The following MBOAT2 variants were observed in gnomAD, a reference collection of about 807,000 sequenced individuals.
The protein encoded by MBOAT2 is membrane-bound glycerophospholipid O-acyltransferase 2.
Under a neutral mutation model 63.4 loss-of-function variants are expected in MBOAT2, and 28 were observed. That is an observed-to-expected ratio of 0.44 (90% CI 0.33 to 0.61). MBOAT2 has a LOEUF of 0.61. Among genes scored for constraint, MBOAT2 ranks in the 20% least tolerant of loss-of-function variants. The pLI is 0.03. For missense variants in MBOAT2, 470 were observed against 605.8 expected, an observed-to-expected ratio of 0.78 and a Z score of 2.35; for synonymous variants, 211 against 215.6, an observed-to-expected ratio of 0.98 and a Z score of 0.19.
At chr2:8,874,862 C>G (rs1166185265) in intron 7 of MBOAT2, among the ~76,000 whole-genome samples, 1 of 152,134 alleles carries the variant, frequency 6.6e-6, no homozygotes, top group Admixed American at 6.5e-5. Flanking sequence ...TTGGTGCACC[C>G]GAGTGTGGCT....
intron 3 of MBOAT2, among the ~76,000 whole-genome samples, chr2:8,920,816 C>G (rs1429890738): frequency 6.6e-6 from 1 of 152,092 alleles, no homozygotes; most frequent in Admixed American, 6.6e-5. Flanking sequence ...TTTCTGGATT[C>G]TCAATTTGTA....
At chr2:8,897,219 C>G (rs1368689429) in intron 4 of MBOAT2, among the ~76,000 whole-genome samples, 1 of 138,976 alleles carries the variant, frequency 7.2e-6, no homozygotes, top group Non-Finnish European at 1.5e-5. Context: ...CTCTTCCTCT[C>G]TGTCTCCTTC....
intron 6 of MBOAT2, among the ~76,000 whole-genome samples, chr2:8,878,877 C>T (rs1392156439): frequency 1.3e-5 from 2 of 151,804 alleles, no homozygotes; most frequent in Non-Finnish European, 1.5e-5. Context: ...GAGATCGAGA[C>T]CATCCCAGCT....
intron 2 of MBOAT2, among the ~76,000 whole-genome samples, chr2:8,952,096 C>A (rs1329784732): frequency 6.6e-6 from 1 of 152,162 alleles, no homozygotes; most frequent in African/African-American, 2.4e-5. Context: ...TTTGCTGCAT[C>A]CCAGAGATTT....
At chr2:8,891,202 G>A (rs1342225041) in intron 4 of MBOAT2, among the ~76,000 whole-genome samples, 2 of 152,258 alleles carry the variant, frequency 1.3e-5, no homozygotes, top group Non-Finnish European at 2.9e-5. Context: ...ATCAGCCGGT[G>A]CGTAGCACAT....
At chr2:8,895,127 C>G (rs971285907) in intron 4 of MBOAT2, among the ~76,000 whole-genome samples, 2 of 152,224 alleles carry the variant, frequency 1.3e-5, no homozygotes, top group Non-Finnish European at 1.5e-5. Flanking sequence ...AATAAAACTT[C>G]CACAGCGTGG....
At chr2:8,916,529 A>C (rs1340975363) in intron 3 of MBOAT2, among the ~76,000 whole-genome samples, 1 of 152,244 alleles carries the variant, frequency 6.6e-6, no homozygotes, top group African/African-American at 2.4e-5. Context: ...ATGTAGCAGC[A>C]ACTATGGGAA....
intron 1 of MBOAT2, among the ~76,000 whole-genome samples, chr2:8,973,437 G>C (rs1191892674): frequency 1.3e-5 from 2 of 151,754 alleles, no homozygotes; most frequent in Non-Finnish European, 2.9e-5. Flanking sequence ...GTTAATGGGT[G>C]CAGCACACCG....
At chr2:8,969,984 T>C (rs556284420) in intron 1 of MBOAT2, among the ~76,000 whole-genome samples, 14 of 152,050 alleles carry the variant, frequency 9.2e-5, no homozygotes, top group South Asian at 8.3e-4. Flanking sequence ...AACAAGGATA[T>C]CCAGGAATTG....
chr2:8,949,200 A>G (rs551554773), intron 2 of MBOAT2, among the ~76,000 whole-genome samples: 233 of 152,232 alleles, frequency 1.5e-3, no homozygotes, highest in Non-Finnish European at 2.5e-3. Flanking sequence ...TTGCCTGTCC[A>G]ACTGTTTAAG....
chr2:8,964,319 AT>A (rs1253319967), intron 1 of MBOAT2, among the ~76,000 whole-genome samples: 12 of 152,092 alleles, frequency 7.9e-5, no homozygotes, highest in Non-Finnish European at 1.5e-4. Context: ...AGCTTCTGCA[AT>A]TTTTTTCACT....
chr2:8,883,670 C>T (rs1240476059), intron 5 of MBOAT2, among the ~76,000 whole-genome samples: 1 of 152,192 alleles, frequency 6.6e-6, no homozygotes, highest in Non-Finnish European at 1.5e-5. Flanking sequence ...CTCACATCAT[C>T]TTGCTGTAAA....
Position 8,853,056 on chromosome 2 carries a change from T to A in MBOAT2, c.*5623A>T, listed in dbSNP as rs1019387366. The A allele has an allele frequency of 6.6e-6, 1 of 152,228 alleles. No homozygotes were observed. The highest frequency in any genetic ancestry group is 1.5e-5 in the Non-Finnish European group (1 of 68,034). The allele number at this position is 152,228 out of a possible 1,614,324, so 9.4% of individuals were successfully genotyped here. The stretch of plus-strand genomic sequence containing the variant: ...GCTGCTGGAGTTGGGTCTCTCCTCA[T>A]GTTTGGGCGACTGAGGGCTCAACTA... On this transcript the variant is annotated 3_prime_UTR_variant, in exon 13 of 13. Transcript: ENST00000305997.
rs926777496 is a variant in MBOAT2 at position 8,920,270 on chromosome 2, G to C, written c.300-11554C>G. ...TTCATTTCTGTGCATATAGAAACCT[G>C]ATTGTCCCAGCACTGTGTATTGAAA... On this transcript the variant is annotated intron_variant, in intron 3 of 12. Coordinates refer to ENST00000305997, the MANE Select transcript of MBOAT2 (RefSeq NM_138799.4). Among the ~76,000 whole-genome samples, 11 of 152,290 alleles carry C rather than the reference G, an allele frequency of 7.2e-5. No individual in the cohort carries two copies. The East Asian group carries it at 1.9e-3, about 27-fold the overall frequency.
intron 5 of MBOAT2, among the ~76,000 whole-genome samples, chr2:8,887,546 C>CAA (rs751415666): frequency 3.3e-5 from 5 of 152,170 alleles, no homozygotes; most frequent in Non-Finnish European, 7.3e-5. Context: ...TCTCACGACT[C>CAA]AGAGTCCTGT....
In MBOAT2 at chr2:9,003,429, C is replaced by G; in HGVS notation, c.75+111G>C. ...CAGGGAGCGGCGGGTAGGGGGGCACCGGGCGCCCGGCCCCAGCCCCCACCC... is the reference window on the plus strand; with the variant it reads ...CAGGGAGCGGCGGGTAGGGGGGCACGGGGCGCCCGGCCCCAGCCCCCACCC... On this transcript the variant is annotated intron_variant, in intron 1 of 12. Coordinates refer to ENST00000305997, the MANE Select transcript of MBOAT2 (RefSeq NM_138799.4). This position sits in a 1 kb window ranked among gnomAD's most constrained non-coding sequence, Gnocchi z 5.4. 1.7e-6 allele frequency: 1 copy of G among 581,608 alleles called. No individual in the cohort carries two copies. Among genetic ancestry groups the G allele is most frequent in the Non-Finnish European group, 2.3e-6 (1 of 426,020 alleles). 36.0% of individuals were successfully genotyped at this position (581,608 alleles called of 1,614,324 possible).
chr2:8,879,653 AG>A (rs1345626906), intron 6 of MBOAT2, among the ~76,000 whole-genome samples: 4 of 152,120 alleles, frequency 2.6e-5, no homozygotes, highest in Non-Finnish European at 5.9e-5. Flanking sequence ...CAGCACCCCT[AG>A]GCGCTACCCA....
rs1267569134 is a variant in MBOAT2 at position 8,855,836 on chromosome 2, C to T, written c.*2843G>A. ...AAGTATAAATATGATGTTGATTGAT[C>T]ATCTCTAGAGTGATTTCATGATACC... On this transcript the variant is annotated 3_prime_UTR_variant, in exon 13 of 13. Transcript: ENST00000305997. The T allele has an allele frequency of 6.6e-6, 1 of 152,064 alleles. No homozygotes were observed. Among genetic ancestry groups the T allele is most frequent in the Non-Finnish European group, 1.5e-5 (1 of 68,030 alleles). The allele number at this position is 152,064 out of a possible 1,614,324, so 9.4% of individuals were successfully genotyped here.
intron 3 of MBOAT2, among the ~76,000 whole-genome samples, chr2:8,912,347 GAAAGAGAA>G (rs1436738391): frequency 2.6e-4 from 21 of 79,940 alleles, no homozygotes; most frequent in Non-Finnish European, 4.4e-4. Flanking sequence ...AAGAAAGAAA[GAAAGAGAA>G]AGAAAGAAAG....
Sources: gnomAD v4.1 joint callset for allele counts (sites outside exome capture counted in the v4.1 genomes callset) on GRCh38, gnomAD v4.1.1 for gene constraint, Gnocchi (gnomAD v3.1) non-coding constraint, MANE v1.5 for transcripts, NCBI Gene and HGNC (gene_info 2026-07-23, HGNC 2026-07-21) for gene names.